The following COL23A1 variants were observed in gnomAD, a reference collection of about 807,000 sequenced individuals.
COL23A1 encodes collagen type XXIII alpha 1 chain, also known as collagen alpha-1(XXIII) chain.
Under a neutral mutation model 99.3 loss-of-function variants are expected in COL23A1, and 97 were observed. The ratio of observed to expected loss-of-function variants is 0.98; its 90% CI spans 0.83 to 1.16. COL23A1 has a LOEUF of 1.16. COL23A1 is among the 50% of genes most tolerant of loss of function. The pLI, the probability that COL23A1 is intolerant of heterozygous loss-of-function variation, is 0.00. For synonymous variants in COL23A1, 320 were observed against 308.2 expected (o/e 1.04, Z -0.40); for missense variants, 762 against 757.4 (o/e 1.01, Z -0.07).
Position 178,533,796 on chromosome 5 carries a change from C to T in COL23A1, c.361+26886G>A, listed in dbSNP as rs115468175. ...ACAGGCATGAGCCACCACACCCAGC[C>T]GTTTCCTTCCTTTTTAAGGCTGAAT... On this transcript the variant is annotated intron_variant, in intron 2 of 28. Transcript: ENST00000390654. Among the ~76,000 whole-genome samples the T allele has an allele frequency of 2.5e-3, 388 of 152,236 alleles. 1 individual carries two copies. Among genetic ancestry groups the T allele is most frequent in the African/African-American group, 8.3e-3 (344 of 41,540 alleles).
chr5:178,381,489 G>A (rs1763379944), intron 2 of COL23A1, among the ~76,000 whole-genome samples: 1 of 152,166 alleles, frequency 6.6e-6, no homozygotes, highest in Non-Finnish European at 1.5e-5. Context: ...CTGGTCTGTG[G>A]GTGGTTTCAC....
chr5:178,509,832 C>T (rs1050036925), intron 2 of COL23A1, among the ~76,000 whole-genome samples: 1 of 152,304 alleles, frequency 6.6e-6, no homozygotes, highest in Non-Finnish European at 1.5e-5. Context: ...AATCATGTGC[C>T]GTCCAGGGAC....
intron 2 of COL23A1, among the ~76,000 whole-genome samples, chr5:178,532,114 T>C (rs1760682792): frequency 6.6e-6 from 1 of 152,236 alleles, no homozygotes; most frequent in Admixed American, 6.5e-5. Context: ...CTCCCCTTTT[T>C]GGTCCTGTTC....
At chr5:178,553,676 AGGCCTTCTG>A (rs1762124143) in intron 2 of COL23A1, among the ~76,000 whole-genome samples, 2 of 152,248 alleles carry the variant, frequency 1.3e-5, no homozygotes, top group African/African-American at 2.4e-5. Flanking sequence ...GCTCTGCTCG[AGGCCTTCTG>A]GGCACGTGGG....
rs998621255 is a variant in COL23A1, at chr5:178,239,073, G to A, written c.1620+68C>T. 4.5e-6 allele frequency: 7 copies of A among 1,555,220 alleles called. No individual in the cohort carries two copies. The Admixed American group carries it at 1.0e-4, about 22-fold the overall frequency. On this transcript the variant is annotated intron_variant, in intron 28 of 28. Transcript: ENST00000390654. The stretch of plus-strand genomic sequence containing the variant: ...TTGAGTGACAGCACCCAGGCTCTGG[G>A]GCCCTCCCATTCCCCCACCCTCCCC...
chr5:178,269,387 C>CCACCCATCCATT (rs1756112470), intron 6 of COL23A1, among the ~76,000 whole-genome samples: 1 of 101,052 alleles, frequency 9.9e-6, no homozygotes, highest in African/African-American at 3.5e-5. Flanking sequence ...ATCCATCCAT[C>CCACCCATCCATT]CACCCACCCA....
intron 2 of COL23A1, among the ~76,000 whole-genome samples, chr5:178,349,320 C>A (rs1317816897): frequency 6.6e-6 from 1 of 152,158 alleles, no homozygotes; most frequent in Non-Finnish European, 1.5e-5. Flanking sequence ...GAAGCCCCTC[C>A]CCACTGAGGA....
chr5:178,288,324 C>T lies in COL23A1; in HGVS notation c.441G>A (p.Pro147=), dbSNP rs6892533. ...AGCAAAAAAATAAATGACAAATTAC[C>T]GGGTAGCCATCTCGTCCTGATTGCC... ...PPGQSGRDGY[P]GPLGLDGKPG... The change falls in exon 5 of 29, where the codon CCG becomes CCA. Residue 147 remains proline (P), a splice_region_variant and synonymous_variant. Transcript: ENST00000390654. 141 of 1,609,700 alleles carry T rather than the reference C, an allele frequency of 8.8e-5. 1 individual carries two copies. The African/African-American group carries it at 1.5e-3, about 17-fold the overall frequency.
At chr5:178,537,328 T>A (rs1183604791) in intron 2 of COL23A1, among the ~76,000 whole-genome samples, 1 of 152,218 alleles carries the variant, frequency 6.6e-6, no homozygotes, top group African/African-American at 2.4e-5. Flanking sequence ...GTATTCAGAT[T>A]CTGCCAGAAG....
At chr5:178,292,539 G>T (rs2913822) in intron 3 of COL23A1, among the ~76,000 whole-genome samples, 1 of 151,988 alleles carries the variant, frequency 6.6e-6, no homozygotes, top group Admixed American at 6.6e-5. Context: ...TGGGGCAATT[G>T]GGTAGGGCCT....
intron 2 of COL23A1, among the ~76,000 whole-genome samples, chr5:178,418,426 T>G (rs1286801567): frequency 1.3e-5 from 2 of 152,238 alleles, no homozygotes; most frequent in Non-Finnish European, 2.9e-5. Flanking sequence ...GGAGAGATCC[T>G]GATTCTGTTG....
intron 2 of COL23A1, among the ~76,000 whole-genome samples, chr5:178,483,390 G>A (rs1035061965): frequency 1.3e-5 from 2 of 151,882 alleles, no homozygotes; most frequent in African/African-American, 2.4e-5. Flanking sequence ...TCAGAATTCC[G>A]CTCCAAGAAA....
chr5:178,563,962 T>C (rs1390103397), intron 1 of COL23A1, among the ~76,000 whole-genome samples: 1 of 152,222 alleles, frequency 6.6e-6, no homozygotes, highest in Non-Finnish European at 1.5e-5. Flanking sequence ...TTTTTATCAG[T>C]GCTAGACAGG....
chr5:178,415,652 G>T lies in COL23A1; in HGVS notation c.362-108733C>A, dbSNP rs1765265194. Reference sequence around the variant, plus strand: ...CTGGCTCCATGAGGGCAAGGGGACTGTGCGGGCGGCGGTGAGGTGGGCAGT... The same window carrying T: ...CTGGCTCCATGAGGGCAAGGGGACTTTGCGGGCGGCGGTGAGGTGGGCAGT... On this transcript the variant is annotated intron_variant, in intron 2 of 28. Coordinates refer to ENST00000390654, the MANE Select transcript of COL23A1 (RefSeq NM_173465.4). The surrounding 1 kb of genome is among the most constrained non-coding windows in gnomAD (Gnocchi z 4.6). Among the ~76,000 whole-genome samples, 1 of 152,242 alleles carries T rather than the reference G, an allele frequency of 6.6e-6. No individual in the cohort carries two copies. The highest frequency in any genetic ancestry group is 1.5e-5 in the Non-Finnish European group (1 of 68,038).
chr5:178,356,755 G>T (rs920470325), intron 2 of COL23A1, among the ~76,000 whole-genome samples: 2 of 152,098 alleles, frequency 1.3e-5, no homozygotes, highest in African/African-American at 4.8e-5. Flanking sequence ...TGATGCCTGG[G>T]CAGGAGTTAC....
intron 1 of COL23A1, among the ~76,000 whole-genome samples, chr5:178,573,681 T>C (rs1375155190): frequency 1.3e-5 from 2 of 152,180 alleles, no homozygotes; most frequent in South Asian, 2.1e-4. Flanking sequence ...AACCCAATAC[T>C]GGAAACAACT....
chr5:178,543,759 G>C (rs977416145), intron 2 of COL23A1, among the ~76,000 whole-genome samples: 2 of 152,124 alleles, frequency 1.3e-5, no homozygotes, highest in African/African-American at 4.8e-5. Flanking sequence ...ACTATGAATT[G>C]CATGGCTTAC....
chr5:178,393,448 G>C (rs1764072765), intron 2 of COL23A1, among the ~76,000 whole-genome samples: 1 of 152,118 alleles, frequency 6.6e-6, no homozygotes, highest in South Asian at 2.1e-4. Flanking sequence ...CAGTTCTGAT[G>C]ATGGTTGCAC....
chr5:178,537,101 A>T (rs980248889), intron 2 of COL23A1, among the ~76,000 whole-genome samples: 4 of 152,240 alleles, frequency 2.6e-5, no homozygotes, highest in Non-Finnish European at 5.9e-5. Context: ...TGTGGAACAC[A>T]GCGGGTGACA....
Sources: gnomAD v4.1 joint callset for allele counts (sites outside exome capture counted in the v4.1 genomes callset) on GRCh38, gnomAD v4.1.1 for gene constraint, Gnocchi (gnomAD v3.1) non-coding constraint, MANE v1.5 for transcripts, NCBI Gene and HGNC (gene_info 2026-07-23, HGNC 2026-07-21) for gene names.